SLC22A23: variants seen among roughly 807,000 people sequenced by gnomAD.
The protein encoded by SLC22A23 is solute carrier family 22 member 23.
Under a neutral mutation model 61.0 loss-of-function variants are expected in SLC22A23, and 26 were observed. That is an observed-to-expected ratio of 0.43 (90% CI 0.31 to 0.59). SLC22A23 has a LOEUF of 0.59. Among genes scored for constraint, SLC22A23 ranks in the 20% least tolerant of loss-of-function variants. The pLI is 0.11. For synonymous variants in SLC22A23, 430 were observed against 413.9 expected (o/e 1.04, Z -0.47); for missense variants, 796 against 934.7 (o/e 0.85, Z 1.94).
chr6:3,352,868 C>T (rs964053469), intron 3 of SLC22A23, among the ~76,000 whole-genome samples: 2 of 152,136 alleles, frequency 1.3e-5, no homozygotes, highest in East Asian at 1.9e-4. Context: ...GGACAAGCCG[C>T]GTGCCCTGCA....
chr6:3,290,173 G>C (rs900641149), intron 5 of SLC22A23: 3 of 437,854 alleles, frequency 6.9e-6, no homozygotes, highest in African/African-American at 6.0e-5. Flanking sequence ...AAACGGTCTC[G>C]ACTCAGTTCA....
intron 3 of SLC22A23, among the ~76,000 whole-genome samples, chr6:3,326,868 T>A (rs902713379): frequency 6.6e-6 from 1 of 152,218 alleles, no homozygotes; most frequent in Non-Finnish European, 1.5e-5. Flanking sequence ...AGGATTGCCA[T>A]TAATCACAAG....
rs1763330982 is a variant in SLC22A23, at chr6:3,327,162, A to G, written c.914-3160T>C. ...GTGCAGCAGCTCCCACACCTTGAAG[A>G]TGGTTCCAGTCGCCTGGCCAGGGGC... On this transcript the variant is annotated intron_variant, in intron 3 of 9. Coordinates refer to ENST00000406686, the MANE Select transcript of SLC22A23 (RefSeq NM_015482.2). This position sits in a 1 kb window ranked among gnomAD's most constrained non-coding sequence, Gnocchi z 4.1. Among the ~76,000 whole-genome samples, 1 of 152,198 alleles carries G rather than the reference A, an allele frequency of 6.6e-6. No individual in the cohort carries two copies. The highest frequency in any genetic ancestry group is 2.4e-5 in the African/African-American group (1 of 41,452).
intron 1 of SLC22A23, among the ~76,000 whole-genome samples, chr6:3,430,077 G>C (rs1201208065): frequency 2.6e-5 from 4 of 152,194 alleles, no homozygotes; most frequent in African/African-American, 4.8e-5. Flanking sequence ...ACAAAAAAAA[G>C]TTTAAAGAAA....
chr6:3,396,096 G>A (rs780856316), intron 3 of SLC22A23, among the ~76,000 whole-genome samples: 12 of 152,188 alleles, frequency 7.9e-5, no homozygotes, highest in African/African-American at 1.7e-4. Flanking sequence ...ACTTGGGACC[G>A]GGGAAGTTCT....
chr6:3,296,608 A>G (rs948169484), intron 5 of SLC22A23, among the ~76,000 whole-genome samples: 2 of 152,188 alleles, frequency 1.3e-5, no homozygotes, highest in Admixed American at 1.3e-4. Flanking sequence ...CTGGATAAAA[A>G]GGGACCACAG....
chr6:3,279,007 C>T (rs1250072234), intron 9 of SLC22A23, among the ~76,000 whole-genome samples: 1 of 152,182 alleles, frequency 6.6e-6, no homozygotes, highest in East Asian at 1.9e-4. Context: ...GAACAAAAGC[C>T]TTGCATTGTG....
chr6:3,444,964 A>C, intron 1 of SLC22A23: 1 of 985,074 alleles, frequency 1.0e-6, no homozygotes, highest in Non-Finnish European at 1.2e-6. Context: ...TCCTCACCCC[A>C]CCAAGGGGAG....
chr6:3,287,187 G>A, intron 6 of SLC22A23, 96 bp from the exon 7 acceptor site: 1 of 1,135,920 alleles, frequency 8.8e-7, no homozygotes, highest in Non-Finnish European at 1.3e-6. Flanking sequence ...ACCAGGAGAT[G>A]AAGAAGCAAC....
Position 3,270,141 on chromosome 6 carries a change from G to C in SLC22A23, c.*2914C>G, listed in dbSNP as rs1200180990. On this transcript the variant is annotated 3_prime_UTR_variant, in exon 10 of 10. Coordinates refer to ENST00000406686, the MANE Select transcript of SLC22A23 (RefSeq NM_015482.2). ...TGTGCATAACTTTTATTGAAAGGCT[G>C]ACAGGGTAGGCTAGCGGAACGGAGG... 2 of 152,386 alleles carry C rather than the reference G, an allele frequency of 1.3e-5. No homozygotes were observed. Among genetic ancestry groups the C allele is most frequent in the African/African-American group, 4.8e-5 (2 of 41,450 alleles). The allele number at this position is 152,386 out of a possible 1,614,324, so 9.4% of individuals were successfully genotyped here.
At chr6:3,274,197 T>C (rs1482895703) in intron 9 of SLC22A23, among the ~76,000 whole-genome samples, 1 of 152,206 alleles carries the variant, frequency 6.6e-6, no homozygotes, top group African/African-American at 2.4e-5. Context: ...CCCCTATCCC[T>C]CAAACCTCTC....
chr6:3,374,443 T>C (rs1414784462), intron 3 of SLC22A23, among the ~76,000 whole-genome samples: 2 of 151,534 alleles, frequency 1.3e-5, no homozygotes, highest in Admixed American at 6.6e-5. Flanking sequence ...AAAGGAAAAC[T>C]AGCAATCTAC....
chr6:3,310,845 G>A (rs1453191794), intron 4 of SLC22A23, among the ~76,000 whole-genome samples: 8 of 152,150 alleles, frequency 5.3e-5, no homozygotes, highest in South Asian at 2.1e-4. Context: ...CCTCTTTAAC[G>A]TACTGTACTA....
At chr6:3,376,268 G>T (rs1336376344) in intron 3 of SLC22A23, among the ~76,000 whole-genome samples, 1 of 152,108 alleles carries the variant, frequency 6.6e-6, no homozygotes, top group Non-Finnish European at 1.5e-5. Context: ...CGTCTGATTT[G>T]AGCAACGCAT....
rs1766081311 is a variant in SLC22A23 at position 3,369,731 on chromosome 6, CT to C, written c.913+40456del. ...AATGGAATAAACAAATGTTTAGGTT[CT>C]TATTTATAGGGACCCTGGACTAGTC... On this transcript the variant is annotated intron_variant, in intron 3 of 9. Coordinates refer to ENST00000406686, the MANE Select transcript of SLC22A23 (RefSeq NM_015482.2). Among the ~76,000 whole-genome samples, 3 of 151,898 alleles carry C rather than the reference CT, an allele frequency of 2.0e-5. No homozygotes were observed. The South Asian group carries it at 6.2e-4, about 32-fold the overall frequency.
chr6:3,404,957 T>TAA (rs34672318), intron 3 of SLC22A23, among the ~76,000 whole-genome samples: 27 of 144,852 alleles, frequency 1.9e-4, no homozygotes, highest in Non-Finnish European at 2.7e-4. Flanking sequence ...CTTTGAAGCT[T>TAA]AAAAAAAAAA....
chr6:3,278,425 C>T (rs116246908), intron 9 of SLC22A23, among the ~76,000 whole-genome samples: 3,225 of 152,302 alleles, frequency 0.021, 46 homozygotes, highest in Middle Eastern at 0.041. Flanking sequence ...TCAAACTCCT[C>T]CCAGGCTGAG....
At chr6:3,412,425 AATGTT>A (rs1186990396) in intron 2 of SLC22A23, among the ~76,000 whole-genome samples, 1 of 152,316 alleles carries the variant, frequency 6.6e-6, no homozygotes, top group South Asian at 2.1e-4. Context: ...TCTGCTTCAT[AATGTT>A]ATCGACAGGA....
At chr6:3,436,277 A>C (rs537583198) in intron 1 of SLC22A23, among the ~76,000 whole-genome samples, 1 of 152,136 alleles carries the variant, frequency 6.6e-6, no homozygotes, top group African/African-American at 2.4e-5. Context: ...CTGGGATTAC[A>C]GGTGCCCGCC....
Sources: gnomAD v4.1 joint callset for allele counts (sites outside exome capture counted in the v4.1 genomes callset) on GRCh38, gnomAD v4.1.1 for gene constraint, Gnocchi (gnomAD v3.1) non-coding constraint, MANE v1.5 for transcripts, NCBI Gene and HGNC (gene_info 2026-07-23, HGNC 2026-07-21) for gene names.